KDM4B: variants seen among roughly 807,000 people sequenced by gnomAD.
The protein encoded by KDM4B is lysine demethylase 4B, also known as lysine-specific demethylase 4B.
KDM4B carries 32 observed loss-of-function variants against 125.2 expected under a neutral mutation model. The ratio of observed to expected loss-of-function variants is 0.26; its 90% CI spans 0.19 to 0.34. KDM4B has a LOEUF of 0.34. Ranked by LOEUF, KDM4B falls within the 10% of genes least tolerant of loss-of-function variation. The pLI, the probability that KDM4B is intolerant of heterozygous loss-of-function variation, is 1.00. For missense variants in KDM4B, 1,190 were observed against 1,577.7 expected, an observed-to-expected ratio of 0.75 and a Z score of 4.16; for synonymous variants, 721 against 677.9, an observed-to-expected ratio of 1.06 and a Z score of -0.99.
intron 6 of KDM4B, among the ~76,000 whole-genome samples, chr19:5,049,042 T>C (rs1247242134): frequency 2.0e-5 from 3 of 151,466 alleles, no homozygotes; most frequent in Non-Finnish European, 4.4e-5. Flanking sequence ...GAGCCTGGGC[T>C]GGGGGAGACC....
chr19:5,116,235 TAAAAAA>T (rs35940660), intron 10 of KDM4B, among the ~76,000 whole-genome samples: 1 of 40,380 alleles, frequency 2.5e-5, no homozygotes, highest in Non-Finnish European at 4.8e-5. Context: ...ACCACATCTC[TAAAAAA>T]AAAAAAAAAA....
At chr19:5,124,777 G>A (rs2039421291) in intron 11 of KDM4B, among the ~76,000 whole-genome samples, 1 of 152,132 alleles carries the variant, frequency 6.6e-6, no homozygotes, top group South Asian at 2.1e-4. Flanking sequence ...TGTATTTTTA[G>A]TACAGACAGG....
At chr19:5,101,222 C>CAAAAA (rs751379008) in intron 9 of KDM4B, among the ~76,000 whole-genome samples, 863 of 85,540 alleles carry the variant, frequency 0.01, 25 homozygotes, top group Admixed American at 0.075. Flanking sequence ...GACTCCGTCT[C>CAAAAA]AAAAAAAAAA....
intron 10 of KDM4B, chr19:5,119,239 C>T (rs762904686): frequency 3.2e-5 from 47 of 1,456,506 alleles, no homozygotes; most frequent in African/African-American, 1.5e-4. Context: ...TTTTTCGTTC[C>T]GTTTGTCGTC....
At chr19:5,092,438 C>T (rs777847671) in intron 9 of KDM4B, among the ~76,000 whole-genome samples, 7 of 152,196 alleles carry the variant, frequency 4.6e-5, no homozygotes, top group African/African-American at 1.4e-4. Flanking sequence ...CCACTGCTCT[C>T]GGCTTTCGGG....
At chr19:5,129,701 C>T (rs911157611) in intron 11 of KDM4B, among the ~76,000 whole-genome samples, 10 of 152,226 alleles carry the variant, frequency 6.6e-5, no homozygotes, top group African/African-American at 1.9e-4. Context: ...AACCACGGTT[C>T]CTCCTTCCAG....
intron 18 of KDM4B, among the ~76,000 whole-genome samples, chr19:5,139,536 G>GC (rs1399518762): frequency 6.6e-6 from 1 of 152,214 alleles, no homozygotes; most frequent in Non-Finnish European, 1.5e-5. Context: ...ACTCCCATCC[G>GC]CACCCCCCGG....
chr19:5,023,280 T>C (rs2145571844), intron 2 of KDM4B, among the ~76,000 whole-genome samples: 1 of 152,346 alleles, frequency 6.6e-6, no homozygotes, highest in South Asian at 2.1e-4. Context: ...AGGTTTTCTC[T>C]TTCCTGCCTG....
At chr19:5,063,393 A>G (rs2037666466) in intron 6 of KDM4B, among the ~76,000 whole-genome samples, 1 of 152,148 alleles carries the variant, frequency 6.6e-6, no homozygotes, top group African/African-American at 2.4e-5. Context: ...GATTCAGAAA[A>G]CGAGCTCAGT....
chr19:4,990,737 T>G (rs2035005513), intron 1 of KDM4B, among the ~76,000 whole-genome samples: 2 of 152,224 alleles, frequency 1.3e-5, no homozygotes. Flanking sequence ...TCTAACACTG[T>G]GCATTTTGAA....
intron 6 of KDM4B, among the ~76,000 whole-genome samples, chr19:5,057,027 T>TGC (rs1043193515): frequency 1.6e-5 from 2 of 124,758 alleles, no homozygotes; most frequent in Non-Finnish European, 3.4e-5. Context: ...CAGATATATA[T>TGC]GCGTGTGTGT....
Position 5,131,335 on chromosome 19 carries a change from C to T in KDM4B, c.1575C>T (p.Ile525=). The change falls in exon 12 of 23, where the codon ATC becomes ATT. Residue 525 remains isoleucine, a synonymous_variant. Transcript: ENST00000159111. ...AGCTAGAGGCCAAGCCTCGGCCCAT[C>T]ATCCCCATGCTGTACGTGGTGCCGC... The part of the protein sequence containing the change: ...SEELEAKPRP[I]IPMLYVVPRP... The T allele has an allele frequency of 6.2e-7, 1 of 1,612,304 alleles. No individual in the cohort carries two copies. The highest frequency in any genetic ancestry group is 2.2e-5 in the East Asian group (1 of 44,740).
Position 5,131,458 on chromosome 19 carries a change from C to T in KDM4B, c.1698C>T (p.Ser566=). ...GTCCGACCTGGAAGGAACCAGTTTC[C>T]CCCATGGAGCTGACGGGGCCAGAGG... ...QKGPTWKEPV[S]PMELTGPEDG... Residue 566 remains serine (S), a synonymous_variant, in exon 12 of 23, where the codon TCC becomes TCT. Coordinates refer to ENST00000159111, the MANE Select transcript of KDM4B (RefSeq NM_015015.3). 6 of 1,598,880 alleles carry T rather than the reference C, an allele frequency of 3.8e-6. No homozygotes were observed. Among genetic ancestry groups the T allele is most frequent in the Non-Finnish European group, 4.2e-6 (5 of 1,176,492 alleles).
At chr19:5,123,043 A>G (rs1264835716) in intron 11 of KDM4B, among the ~76,000 whole-genome samples, 1 of 152,224 alleles carries the variant, frequency 6.6e-6, no homozygotes, top group African/African-American at 2.4e-5. Context: ...GGGCACTAGG[A>G]CTGTGCAGAT....
intron 6 of KDM4B, among the ~76,000 whole-genome samples, chr19:5,060,463 AGGG>A (rs1192535868): frequency 1.7e-5 from 1 of 57,576 alleles, no homozygotes; most frequent in South Asian, 5.1e-4. Flanking sequence ...AAAAAAAAAA[AGGG>A]AGCCATGATT....
intron 1 of KDM4B, among the ~76,000 whole-genome samples, chr19:4,978,596 A>G (rs2034534275): frequency 6.7e-6 from 1 of 149,526 alleles, no homozygotes; most frequent in South Asian, 2.1e-4. Flanking sequence ...AAGCCACAGA[A>G]TTTTTTTGGC....
rs144739599 is a variant in KDM4B at position 5,000,433 on chromosome 19, T to TCATC, written c.-108-15802_-108-15799dup. On this transcript the variant is annotated intron_variant, in intron 1 of 22. Coordinates refer to ENST00000159111, the MANE Select transcript of KDM4B (RefSeq NM_015015.3). ...TCCATCCATCCGTACATCCATTTAT[T>TCATC]CATCCATCCATCCATCCATCCATCC... Among the ~76,000 whole-genome samples the TCATC allele has an allele frequency of 8.5e-3, 1,268 of 149,868 alleles. 18 individuals carry two copies. The highest frequency in any genetic ancestry group is 0.028 in the African/African-American group (1,128 of 40,640).
chr19:5,028,561 A>G (rs1040644649), intron 2 of KDM4B, among the ~76,000 whole-genome samples: 1 of 152,024 alleles, frequency 6.6e-6, no homozygotes, highest in African/African-American at 2.4e-5. Flanking sequence ...TTCTGTGTGG[A>G]TGGATGTTTT....
At chr19:4,989,114 T>G (rs2034945571) in intron 1 of KDM4B, among the ~76,000 whole-genome samples, 1 of 152,206 alleles carries the variant, frequency 6.6e-6, no homozygotes, top group South Asian at 2.1e-4. Context: ...GGAGGGTGGC[T>G]GTCTGGACAG....
Sources: gnomAD v4.1 joint callset for allele counts (sites outside exome capture counted in the v4.1 genomes callset) on GRCh38, gnomAD v4.1.1 for gene constraint, MANE v1.5 for transcripts, NCBI Gene and HGNC (gene_info 2026-07-23, HGNC 2026-07-21) for gene names.